The following ANXA4 variants were observed in gnomAD, a reference collection of about 807,000 sequenced individuals.
The protein encoded by ANXA4 is annexin A4, also known as 35-beta calcimedin.
ANXA4 carries 39 observed loss-of-function variants against 49.8 expected under a neutral mutation model. That is an observed-to-expected ratio of 0.78 (90% CI 0.61 to 1.02). The LOEUF is 1.02. Ranked by LOEUF, ANXA4 falls within the 50% of genes least tolerant of loss-of-function variation. ANXA4 has a pLI of 0.00. For missense variants in ANXA4, 360 were observed against 410.1 expected (o/e 0.88, Z 1.05); for synonymous variants, 134 against 152.5 (o/e 0.88, Z 0.89).
chr2:69,823,499 G>C (rs1407974157), intron 12 of ANXA4, among the ~76,000 whole-genome samples: 14 of 152,064 alleles, frequency 9.2e-5, no homozygotes, highest in Non-Finnish European at 1.5e-4. Flanking sequence ...ACAGTGACAT[G>C]TAAAAAGCTT....
chr2:69,783,098 T>A (rs900001608), intron 2 of ANXA4, among the ~76,000 whole-genome samples: 3 of 152,356 alleles, frequency 2.0e-5, no homozygotes, highest in Admixed American at 2.0e-4. Flanking sequence ...TTCACTCTGA[T>A]CTTATGCTTT....
chr2:69,717,421 T>A lies in ANXA4; in HGVS notation n.767-3353T>A, dbSNP rs546931566. On this transcript the variant is annotated intron_variant and non_coding_transcript_variant, in intron 2 of 3. Coordinates refer to the ANXA4 transcript ENST00000418066. ...CCACCCTTTAATTGTCAGGCCTGGCTCATCGACACAAGCAGGTGGCATTTG... is the reference window on the plus strand; with the variant it reads ...CCACCCTTTAATTGTCAGGCCTGGCACATCGACACAAGCAGGTGGCATTTG... Among the ~76,000 whole-genome samples the A allele has an allele frequency of 8.5e-5, 13 of 152,132 alleles. No individual in the cohort carries two copies. The South Asian group carries it at 2.7e-3, about 32-fold the overall frequency.
intron 2 of ANXA4, among the ~76,000 whole-genome samples, chr2:69,692,000 CT>C (rs1677989977): frequency 6.6e-6 from 1 of 152,194 alleles, no homozygotes; most frequent in Non-Finnish European, 1.5e-5. Flanking sequence ...ATTCTCCCGC[CT>C]CAGCCTCCCA....
intron 2 of ANXA4, among the ~76,000 whole-genome samples, chr2:69,701,639 A>G (rs1320565929): frequency 1.3e-5 from 2 of 152,124 alleles, no homozygotes; most frequent in African/African-American, 4.8e-5. Context: ...AAAAGGTGAT[A>G]CCTTCATTCC....
At chr2:69,819,234 G>T in intron 10 of ANXA4, 46 bp from the exon 11 acceptor site, 3 of 1,383,260 alleles carry the variant, frequency 2.2e-6, no homozygotes, top group Non-Finnish European at 2.0e-6. Flanking sequence ...TTTTTCATGG[G>T]TCTTATCTGT....
At chr2:69,695,051 G>A (rs1573112245) in intron 2 of ANXA4, among the ~76,000 whole-genome samples, 3 of 152,218 alleles carry the variant, frequency 2.0e-5, no homozygotes, top group South Asian at 2.1e-4. Context: ...CTGAGAGGTG[G>A]GAGTATCACT....
At chr2:69,793,201 A>G (rs13018262) in intron 3 of ANXA4, among the ~76,000 whole-genome samples, 49,248 of 149,802 alleles carry the variant, frequency 0.33, 9,178 homozygotes, top group Admixed American at 0.47. Flanking sequence ...GCAGTGGGCC[A>G]AGATCGCACT....
intron 8 of ANXA4, chr2:69,815,457 A>T (rs919807124): frequency 2.0e-5 from 3 of 152,254 alleles, no homozygotes; most frequent in Non-Finnish European, 4.4e-5. Flanking sequence ...GCTGCTTATT[A>T]AAAATGAACA....
intron 2 of ANXA4, among the ~76,000 whole-genome samples, chr2:69,685,067 T>G (rs1677739064): frequency 6.6e-6 from 1 of 152,074 alleles, no homozygotes; most frequent in Admixed American, 6.6e-5. Flanking sequence ...TCCAGAAGAC[T>G]GGTAACAGTG....
intron 1 of ANXA4, among the ~76,000 whole-genome samples, chr2:69,777,599 A>G (rs761815477): frequency 2.0e-5 from 3 of 152,210 alleles, no homozygotes; most frequent in Admixed American, 6.5e-5. Flanking sequence ...ACAATATTAT[A>G]TGGCCTGACT....
intron 1 of ANXA4, among the ~76,000 whole-genome samples, chr2:69,765,083 C>T (rs984098929): frequency 5.3e-5 from 8 of 152,094 alleles, no homozygotes; most frequent in Admixed American, 2.0e-4. Context: ...TATACACACA[C>T]ACACACACAC....
chr2:69,757,257 TA>T (rs1671079847), intron 1 of ANXA4, among the ~76,000 whole-genome samples: 7 of 42,634 alleles, frequency 1.6e-4, no homozygotes, highest in African/African-American at 1.1e-3. Flanking sequence ...TATATATATA[TA>T]TATATATATT....
chr2:69,822,110 C>G (rs6706694), intron 12 of ANXA4, among the ~76,000 whole-genome samples: 10,186 of 152,086 alleles, frequency 0.067, 1,169 homozygotes, highest in African/African-American at 0.23. Flanking sequence ...CCTGTAATCC[C>G]AGCACTTTGG....
chr2:69,741,340 A>G (rs957292500), upstream of ANXA4, among the ~76,000 whole-genome samples: 3 of 152,198 alleles, frequency 2.0e-5, no homozygotes, highest in Non-Finnish European at 4.4e-5. Context: ...TGTCTTCAAG[A>G]GGCTGCGTCC....
intron 1 of ANXA4, among the ~76,000 whole-genome samples, chr2:69,750,285 C>T (rs1343344528): frequency 1.3e-5 from 2 of 152,174 alleles, no homozygotes; most frequent in African/African-American, 2.4e-5. Flanking sequence ...TGCAAGTATC[C>T]TTCAGTTTCC....
At position 69,716,937 on chromosome 2, in the gene ANXA4, A is replaced by G. The variant is rs143422039; in HGVS notation, n.767-3837A>G. Among the ~76,000 whole-genome samples the G allele has an allele frequency of 7.9e-5, 12 of 152,354 alleles. No individual in the cohort carries two copies. The East Asian group carries it at 2.3e-3, about 29-fold the overall frequency. The stretch of plus-strand genomic sequence containing the variant: ...TTTGCTGTCTGCCTACTACTGGCCA[A>G]GCACTGTGTGGAGGAGAACACCGTC... On this transcript the variant is annotated intron_variant and non_coding_transcript_variant, in intron 2 of 3. Transcript: ENST00000418066.
chr2:69,684,579 T>C (rs1034074597), intron 2 of ANXA4, among the ~76,000 whole-genome samples: 1 of 147,800 alleles, frequency 6.8e-6, no homozygotes, highest in Non-Finnish European at 1.5e-5. Context: ...TCCCAGCTAC[T>C]CAGGAGGTTC....
At position 69,816,176 on chromosome 2, in the gene ANXA4, C is replaced by G; in HGVS notation, c.610C>G (p.Arg204Gly). Residue 204 changes from arginine to glycine, a missense_variant, in exon 9 of 13, where the codon CGA (arginine) becomes GGA (glycine). Physicochemically the swap from Arg to Gly is moderately radical, Grantham distance 125 (BLOSUM62 -2). Coordinates refer to ENST00000394295, the MANE Select transcript of ANXA4 (RefSeq NM_001153.5). ...TCTAACTGTTCTCTGTTCCCGGAAC[C>G]GAAATCACCTGTTGCATGGTAAGGC... Reference protein sequence around the residue: ...KFLTVLCSRNRNHLLHVFDEY... With the variant: ...KFLTVLCSRNGNHLLHVFDEY... 1 of 1,613,972 alleles carries G rather than the reference C, an allele frequency of 6.2e-7. No homozygotes were observed. Among genetic ancestry groups the G allele is most frequent in the Non-Finnish European group, 8.5e-7 (1 of 1,179,920 alleles).
chr2:69,812,298 A>G (rs1466863729), intron 7 of ANXA4, among the ~76,000 whole-genome samples: 1 of 151,974 alleles, frequency 6.6e-6, no homozygotes, highest in African/African-American at 2.4e-5. Context: ...AGGTTGATCA[A>G]TGTAGATTTG....
Sources: gnomAD v4.1 joint callset for allele counts (sites outside exome capture counted in the v4.1 genomes callset) on GRCh38, gnomAD v4.1.1 for gene constraint, MANE v1.5 for transcripts, NCBI Gene and HGNC (gene_info 2026-07-23, HGNC 2026-07-21) for gene names.